Variants in ZNF786 observed in about 807,000 individuals in gnomAD.
ZNF786 encodes the protein zinc finger protein 786.
In ZNF786, 56 loss-of-function variants were observed where a neutral mutation model predicts 63.1. That is an observed-to-expected ratio of 0.89 (90% CI 0.72 to 1.11). The LOEUF is 1.11. Among genes scored for constraint, ZNF786 ranks in the 50% least tolerant of loss-of-function variants. ZNF786 has a pLI of 0.00. For synonymous variants in ZNF786, 485 were observed against 406.9 expected, an observed-to-expected ratio of 1.19 and a Z score of -2.31; for missense variants, 1,213 against 1,041.8, an observed-to-expected ratio of 1.16 and a Z score of -2.26.
At position 149,071,843 on chromosome 7, in the gene ZNF786, C is replaced by G. The variant is rs752636809; in HGVS notation, c.929G>C (p.Ser310Thr). 19 of 1,596,080 alleles carry G rather than the reference C, an allele frequency of 1.2e-5. No homozygotes were observed. The highest frequency in any genetic ancestry group is 1.3e-5 in the Non-Finnish European group (15 of 1,175,634). The part of the protein sequence containing the change: ...PCGKRSLPVD[S>T]TQARRCQHSR... ...GTGCTGGCACCGGCGAGCCTGCGTG[C>G]TGTCCACTGGGAGGGAGCGCTTGCC... is the stretch of plus-strand genomic sequence containing the variant. Residue 310 changes from serine (S) to threonine (T), a missense_variant, in exon 4 of 4, where the codon AGC becomes ACC. Ser to Thr is a moderately conservative substitution (Grantham distance 58). Coordinates refer to ENST00000491431, the MANE Select transcript of ZNF786 (RefSeq NM_152411.4).
chr7:149,080,734 A>G lies in ZNF786; in HGVS notation c.19-17T>C. 1 of 1,591,282 alleles carries G rather than the reference A, an allele frequency of 6.3e-7. No homozygotes were observed. The highest frequency in any genetic ancestry group is 8.5e-7 in the Non-Finnish European group (1 of 1,172,214). On this transcript the variant is annotated splice_polypyrimidine_tract_variant and intron_variant, in intron 1 of 3. Coordinates refer to ENST00000491431, the MANE Select transcript of ZNF786 (RefSeq NM_152411.4). Reference sequence around the variant, plus strand: ...CAGAGGTAGCTGAAATTGTAGACATAAGACATATGCATTCATGGTTGCTTC... The same window carrying G: ...CAGAGGTAGCTGAAATTGTAGACATGAGACATATGCATTCATGGTTGCTTC...
Position 149,071,800 on chromosome 7 carries a change from G to A in ZNF786, c.972C>T (p.Ala324=). Residue 324 remains alanine (A), a synonymous_variant, in exon 4 of 4, where the codon GCC becomes GCT. Transcript: ENST00000491431. ...RRCQHSREGP[A]SWREGRGASS... ...AGGCCCCGCGGCCTTCTCTCCAAGA[G>A]GCCGGCCCCTCCCGGCTGTGCTGGC... is the stretch of plus-strand genomic sequence containing the variant. The A allele has an allele frequency of 1.3e-6, 2 of 1,585,252 alleles. No homozygotes were observed. The highest frequency in any genetic ancestry group is 1.7e-6 in the Non-Finnish European group (2 of 1,171,034).
intron 1 of ZNF786, among the ~76,000 whole-genome samples, chr7:149,088,957 CTTTTT>C (rs34834738): frequency 1.6e-5 from 2 of 122,566 alleles, no homozygotes; most frequent in Non-Finnish European, 1.8e-5. Flanking sequence ...TGTTGAGTTT[CTTTTT>C]TTTTTTTTTT....
rs1825629740 is a variant in ZNF786, at chr7:149,080,341, C to G, written c.145+250G>C. On this transcript the variant is annotated intron_variant, in intron 2 of 3. Coordinates refer to ENST00000491431, the MANE Select transcript of ZNF786 (RefSeq NM_152411.4). Reference sequence around the variant, plus strand: ...GCATCCTGATAGTCATGACTAAAGGCCCCTCATAAATAATATTTAGTCACC... The same window carrying G: ...GCATCCTGATAGTCATGACTAAAGGGCCCTCATAAATAATATTTAGTCACC... 4.6e-5 allele frequency among the ~76,000 whole-genome samples: 7 copies of G among 152,082 alleles called. 1 individual carries two copies. In the South Asian group the frequency reaches 1.5e-3, roughly 32 times the overall value.
chr7:149,090,669 A>G lies in ZNF786; in HGVS notation c.-29T>C. 6.3e-7 allele frequency: 1 copy of G among 1,577,446 alleles called. No homozygotes were observed. Among genetic ancestry groups the G allele is most frequent in the Non-Finnish European group, 8.6e-7 (1 of 1,160,436 alleles). On this transcript the variant is annotated 5_prime_UTR_variant, in exon 1 of 4. Coordinates refer to ENST00000491431, the MANE Select transcript of ZNF786 (RefSeq NM_152411.4). ...CCCCGCGGTCCCGCCCGGCCCTGGC[A>G]AACCCGACCGTCTCCGGCGGCTCCG...
intron 3 of ZNF786, among the ~76,000 whole-genome samples, chr7:149,073,642 T>C (rs1040552560): frequency 4.0e-5 from 6 of 150,676 alleles, no homozygotes; most frequent in African/African-American, 1.2e-4. Flanking sequence ...TATATACACA[T>C]ATATATGTAT....
chr7:149,080,944 A>G (rs1434020909), intron 1 of ZNF786, among the ~76,000 whole-genome samples: 1 of 152,188 alleles, frequency 6.6e-6, no homozygotes, highest in Non-Finnish European at 1.5e-5. Flanking sequence ...GTATATATAC[A>G]CATGTAGAGT....
chr7:149,076,492 G>A (rs776103919), intron 2 of ZNF786, among the ~76,000 whole-genome samples: 7 of 149,306 alleles, frequency 4.7e-5, no homozygotes, highest in Non-Finnish European at 8.9e-5. Flanking sequence ...ACTTTGGGAG[G>A]CCGAGGCGGG....
chr7:149,084,169 T>C (rs1825693602), intron 1 of ZNF786, among the ~76,000 whole-genome samples: 1 of 152,164 alleles, frequency 6.6e-6, no homozygotes, highest in African/African-American at 2.4e-5. Flanking sequence ...TAGACCAGCC[T>C]GGCCAACATG....
At chr7:149,075,870 C>A (rs1825538989) in intron 2 of ZNF786, among the ~76,000 whole-genome samples, 1 of 151,664 alleles carries the variant, frequency 6.6e-6, no homozygotes, top group South Asian at 2.1e-4. Context: ...CCTAGTTTGT[C>A]CAGGCTGGTC....
Position 149,071,134 on chromosome 7 carries a change from G to A in ZNF786, c.1638C>T (p.Phe546=), listed in dbSNP as rs369230262. The part of the protein sequence containing the change: ...PFQCLKCDKR[F]RLKGILKAHQ... ...GGGCCTTCAGGATGCCCTTCAGGCG[G>A]AAGCGCTTGTCGCACTTCAGGCACT... The change falls in exon 4 of 4, where the codon TTC becomes TTT. Residue 546 remains phenylalanine (F), a synonymous_variant. Transcript: ENST00000491431. 655 of 1,610,976 alleles carry A rather than the reference G, an allele frequency of 4.1e-4. No individual in the cohort carries two copies. Among genetic ancestry groups the A allele is most frequent in the Non-Finnish European group, 5.4e-4 (635 of 1,178,894 alleles).
At chr7:149,073,658 T>C (rs1027181496) in intron 3 of ZNF786, among the ~76,000 whole-genome samples, 4 of 149,962 alleles carry the variant, frequency 2.7e-5, no homozygotes, top group Non-Finnish European at 4.4e-5. Context: ...TGTATACATA[T>C]ATACACATAT....
At chr7:149,084,841 G>T (rs1310323501) in intron 1 of ZNF786, among the ~76,000 whole-genome samples, 3 of 152,118 alleles carry the variant, frequency 2.0e-5, no homozygotes, top group African/African-American at 7.2e-5. Flanking sequence ...GTTGCTTTTG[G>T]AGTCTTCATC....
chr7:149,074,588 C>T, intron 2 of ZNF786, 50 bp from the exon 3 acceptor site: 2 of 1,557,548 alleles, frequency 1.3e-6, no homozygotes, highest in Non-Finnish European at 1.7e-6. Context: ...ATTTAAAGCA[C>T]ACTAAGTTTC....
intron 2 of ZNF786, among the ~76,000 whole-genome samples, chr7:149,079,883 A>G (rs1825622254): frequency 6.7e-6 from 1 of 149,036 alleles, no homozygotes; most frequent in South Asian, 2.2e-4. Flanking sequence ...GCTACTCTTA[A>G]AACACTTCAG....
Position 149,090,708 on chromosome 7 carries a change from T to C in ZNF786, c.-68A>G. 1 of 1,502,506 alleles carries C rather than the reference T, an allele frequency of 6.7e-7. No homozygotes were observed. The highest frequency in any genetic ancestry group is 2.0e-5 in the Admixed American group (1 of 50,708). 93.1% of individuals were successfully genotyped at this position (1,502,506 alleles called of 1,614,324 possible). ...CCGGCGGCTCCGCAGGAACCTGCCCTGCTGCGCACTGACTCCCCTCCGCTC... is the reference window on the plus strand; with the variant it reads ...CCGGCGGCTCCGCAGGAACCTGCCCCGCTGCGCACTGACTCCCCTCCGCTC... On this transcript the variant is annotated 5_prime_UTR_variant, in exon 1 of 4. Coordinates refer to ENST00000491431, the MANE Select transcript of ZNF786 (RefSeq NM_152411.4).
Position 149,071,831 on chromosome 7 carries a change from C to A in ZNF786, c.941G>T (p.Arg314Leu), listed in dbSNP as rs982421640. The stretch of plus-strand genomic sequence containing the variant: ...CCCCTCCCGGCTGTGCTGGCACCGG[C>A]GAGCCTGCGTGCTGTCCACTGGGAG... ...RSLPVDSTQA[R>L]RCQHSREGPA... The change falls in exon 4 of 4, where the codon CGC becomes CTC. Residue 314 changes from arginine (R) to leucine (L), a missense_variant. Physicochemically the swap from Arg to Leu is moderately radical, Grantham distance 102 (BLOSUM62 -2). Coordinates refer to ENST00000491431, the MANE Select transcript of ZNF786 (RefSeq NM_152411.4). 2.5e-6 allele frequency: 4 copies of A among 1,591,426 alleles called. No individual in the cohort carries two copies. Among genetic ancestry groups the A allele is most frequent in the Non-Finnish European group, 3.4e-6 (4 of 1,173,518 alleles).
Position 149,072,280 on chromosome 7 carries a change from T to A in ZNF786, c.492A>T (p.Gly164=). The A allele has an allele frequency of 6.2e-7, 1 of 1,613,706 alleles. No individual in the cohort carries two copies. The highest frequency in any genetic ancestry group is 8.5e-7 in the Non-Finnish European group (1 of 1,179,798). ...CGPSESTLKE[G]IPGPRNLDLP... ...GATCCAGATTTCTGGGACCTGGGAT[T>A]CCTTCTTTTAGGGTAGATTCACTGG... The change falls in exon 4 of 4, where the codon GGA becomes GGT. Residue 164 remains glycine, a synonymous_variant. Coordinates refer to ENST00000491431, the MANE Select transcript of ZNF786 (RefSeq NM_152411.4).
rs1563136269 is a variant in ZNF786, at chr7:149,071,412, G to GGAAA, written c.1356_1359dup (p.Arg454PhefsTer60). ...AAGTTCCTGCCACACTTGGCACACC[G>GGAAA]GAAAGGCTTCTCTCCGCTGTGGACT... On this transcript the variant is annotated frameshift_variant, in exon 4 of 4. Transcript: ENST00000491431. LOFTEE classifies it high-confidence loss of function. 1.2e-6 allele frequency: 2 copies of GGAAA among 1,613,230 alleles called. No individual in the cohort carries two copies. The highest frequency in any genetic ancestry group is 4.5e-5 in the East Asian group (2 of 44,804).
Sources: gnomAD v4.1 joint callset for allele counts (sites outside exome capture counted in the v4.1 genomes callset) on GRCh38, gnomAD v4.1.1 for gene constraint, MANE v1.5 for transcripts, NCBI Gene and HGNC (gene_info 2026-07-23, HGNC 2026-07-21) for gene names.